The following USP43 variants were observed in gnomAD, a reference collection of about 807,000 sequenced individuals.
USP43 encodes ubiquitin specific peptidase 43, also known as ubiquitin carboxyl-terminal hydrolase 43.
USP43 carries 33 observed loss-of-function variants against 90.7 expected under a neutral mutation model. The ratio of observed to expected loss-of-function variants is 0.36; its 90% confidence interval spans 0.28 to 0.49. USP43 has a LOEUF of 0.49. Ranked by LOEUF, USP43 falls within the 20% of genes least tolerant of loss-of-function variation. The probability of loss-of-function intolerance (pLI) is 0.98; values close to 1 mark genes in which losing one functional copy is unlikely to be tolerated. For missense variants in USP43, 1,274 were observed against 1,476.4 expected, an observed-to-expected ratio of 0.86 and a Z score of 2.25; for synonymous variants, 598 against 615.8, an observed-to-expected ratio of 0.97 and a Z score of 0.43.
chr17:9,646,158 A>T, intron 1 of USP43, 22 bp downstream of exon 1: 1 of 1,407,192 alleles, frequency 7.1e-7, no homozygotes, highest in Non-Finnish European at 9.2e-7. Flanking sequence ...TGCGCCGCCG[A>T]CCGCCCTGTC....
At chr17:9,678,273 TG>T (rs1436094232) in intron 5 of USP43, among the ~76,000 whole-genome samples, 38 of 152,238 alleles carry the variant, frequency 2.5e-4, no homozygotes, top group African/African-American at 8.9e-4. Context: ...TCATCTATTT[TG>T]ATGCTTTGTT....
intron 1 of USP43, among the ~76,000 whole-genome samples, chr17:9,653,301 G>C (rs1013855715): frequency 6.6e-6 from 1 of 152,130 alleles, no homozygotes. Flanking sequence ...AAAAGCAAAG[G>C]TCTAAGCCAA....
At position 9,666,665 on chromosome 17, in the gene USP43, T is replaced by A; in HGVS notation, c.654T>A (p.Thr218=). Residue 218 remains threonine, a synonymous_variant, in exon 3 of 15, where the codon ACT becomes ACA. Transcript: ENST00000285199. The part of the protein sequence containing the change: ...PVSEKLPPEA[T]KTSENCLSPS... ...CTTTGCAGCTTCCGCCTGAAGCCAC[T>A]AAAACCTCTGAGAACTGCCTGTCAC... 1 of 1,613,078 alleles carries A rather than the reference T, an allele frequency of 6.2e-7. No individual in the cohort carries two copies. Among genetic ancestry groups the A allele is most frequent in the Non-Finnish European group, 8.5e-7 (1 of 1,179,612 alleles).
rs755578554 is a variant in USP43 at position 9,666,709 on chromosome 17, T to C, written c.698T>C (p.Leu233Pro). 1 of 1,613,424 alleles carries C rather than the reference T, an allele frequency of 6.2e-7. No individual in the cohort carries two copies. Among genetic ancestry groups the C allele is most frequent in the South Asian group, 1.1e-5 (1 of 90,894 alleles). ...CTGTCACCATCAGCTCAGCTTCCTCTAGGTCAAAGCTTTGTGCAAAGCCAC... is the reference window on the plus strand; with the variant it reads ...CTGTCACCATCAGCTCAGCTTCCTCCAGGTCAAAGCTTTGTGCAAAGCCAC... ...NCLSPSAQLP[L>P]GQSFVQSHFQ... is the part of the protein sequence containing the mutation. The change falls in exon 3 of 15, where the codon CTA becomes CCA. Residue 233 changes from leucine (L) to proline (P), a missense_variant. Physicochemically the swap from Leu to Pro is moderately conservative, Grantham distance 98. Coordinates refer to ENST00000285199, the MANE Select transcript of USP43 (RefSeq NM_153210.5).
chr17:9,690,374 T>A (rs1174443008), intron 8 of USP43, among the ~76,000 whole-genome samples: 1 of 152,150 alleles, frequency 6.6e-6, no homozygotes, highest in African/African-American at 2.4e-5. Context: ...TTTAAGCACC[T>A]ATTTCTTTTA....
chr17:9,694,107 A>C (rs914823764), intron 9 of USP43, among the ~76,000 whole-genome samples: 2 of 152,166 alleles, frequency 1.3e-5, no homozygotes, highest in African/African-American at 4.8e-5. Context: ...TACTCTATAA[A>C]CGAACTGTCT....
intron 14 of USP43, among the ~76,000 whole-genome samples, chr17:9,719,508 A>G (rs947944787): frequency 1.3e-5 from 2 of 152,140 alleles, no homozygotes; most frequent in African/African-American, 2.4e-5. Flanking sequence ...TACCAAGGGG[A>G]TATCTGAGAT....
chr17:9,705,085 C>T (rs1597874179), intron 12 of USP43, among the ~76,000 whole-genome samples: 3 of 152,158 alleles, frequency 2.0e-5, no homozygotes, highest in East Asian at 3.9e-4. Context: ...AGTCTTGATT[C>T]TATGTTTGTT....
intron 12 of USP43, among the ~76,000 whole-genome samples, chr17:9,702,355 CAAAT>C (rs965121869): frequency 3.3e-5 from 5 of 152,134 alleles, no homozygotes; most frequent in African/African-American, 1.2e-4. Flanking sequence ...GTCTCCAAAA[CAAAT>C]AAACCAACAA....
intron 14 of USP43, among the ~76,000 whole-genome samples, chr17:9,715,687 A>ATG (rs753790047): frequency 9.8e-5 from 9 of 91,582 alleles, no homozygotes; most frequent in East Asian, 9.7e-4. Flanking sequence ...GTCTGTGTGT[A>ATG]TGTGTGTGTG....
At chr17:9,647,982 C>T (rs529411310) in intron 1 of USP43, among the ~76,000 whole-genome samples, 1 of 152,322 alleles carries the variant, frequency 6.6e-6, no homozygotes, top group South Asian at 2.1e-4. Flanking sequence ...GATTGCGCCA[C>T]TGCACTCCAG....
chr17:9,673,366 G>A (rs190061890), intron 3 of USP43, among the ~76,000 whole-genome samples: 19 of 152,180 alleles, frequency 1.2e-4, no homozygotes, highest in South Asian at 4.1e-4. Context: ...AAAATTAGCC[G>A]GGCGTGGTGG....
intron 13 of USP43, among the ~76,000 whole-genome samples, chr17:9,711,419 T>C (rs1301553318): frequency 6.6e-6 from 1 of 152,152 alleles, no homozygotes; most frequent in Admixed American, 6.5e-5. Context: ...TCCTTTGTTG[T>C]TGTTGTTGTT....
At chr17:9,694,938 A>T (rs1449125380) in intron 9 of USP43, among the ~76,000 whole-genome samples, 1 of 152,068 alleles carries the variant, frequency 6.6e-6, no homozygotes, top group African/African-American at 2.4e-5. Flanking sequence ...ATTTCTTTTT[A>T]TAAAAGTGTT....
intron 7 of USP43, among the ~76,000 whole-genome samples, chr17:9,684,239 G>A (rs1914464311): frequency 2.0e-5 from 3 of 152,070 alleles, no homozygotes; most frequent in South Asian, 4.1e-4. Context: ...AAGTCAGGAG[G>A]CTGTAAAGGA....
chr17:9,670,661 A>T (rs1292677590), intron 3 of USP43, among the ~76,000 whole-genome samples: 1 of 151,970 alleles, frequency 6.6e-6, no homozygotes, highest in Non-Finnish European at 1.5e-5. Context: ...GGAAAAATCG[A>T]GGGTGCTTTG....
At chr17:9,724,894 G>A (rs76159552) in intron 14 of USP43, among the ~76,000 whole-genome samples, 8,790 of 151,718 alleles carry the variant, frequency 0.058, 536 homozygotes, top group East Asian at 0.35. Flanking sequence ...TGAAGAGACA[G>A]AAGGTGCTCA....
intron 14 of USP43, among the ~76,000 whole-genome samples, chr17:9,720,191 T>G (rs1395634167): frequency 1.3e-5 from 2 of 151,538 alleles, no homozygotes; most frequent in African/African-American, 4.8e-5. Flanking sequence ...TTGGGCATGG[T>G]GGTGTGTGCC....
chr17:9,722,284 C>G (rs977770510), intron 14 of USP43, among the ~76,000 whole-genome samples: 5 of 152,112 alleles, frequency 3.3e-5, no homozygotes, highest in Admixed American at 6.6e-5. Flanking sequence ...CATTTGCCTG[C>G]TATCATTTTG....
Sources: gnomAD v4.1 joint callset for allele counts (sites outside exome capture counted in the v4.1 genomes callset) on GRCh38, gnomAD v4.1.1 for gene constraint, MANE v1.5 for transcripts, NCBI Gene and HGNC (gene_info 2026-07-23, HGNC 2026-07-21) for gene names.